Variants in LRRTM4 observed in about 807,000 individuals in gnomAD.
LRRTM4 encodes leucine rich repeat transmembrane neuronal 4, also known as leucine-rich repeat transmembrane neuronal protein 4.
LRRTM4 carries 25 observed loss-of-function variants against 47.6 expected under a neutral mutation model. The observed-to-expected ratio is 0.53, with a 90% CI of 0.38 to 0.73. The LOEUF is 0.73. Among genes scored for constraint, LRRTM4 ranks in the 30% least tolerant of loss-of-function variants. LRRTM4 has a pLI of 0.00. For missense variants in LRRTM4, 638 were observed against 713.4 expected (o/e 0.89, Z 1.20); for synonymous variants, 311 against 269.5 (o/e 1.15, Z -1.51).
chr2:76,888,668 T>A (rs189366661), intron 3 of LRRTM4, among the ~76,000 whole-genome samples: 2 of 151,648 alleles, frequency 1.3e-5, no homozygotes, highest in Non-Finnish European at 3.0e-5. Context: ...TATTCATTAG[T>A]TTTTTTTCTA....
chr2:76,818,909 G>C (rs1390385488), intron 3 of LRRTM4, among the ~76,000 whole-genome samples: 1 of 151,626 alleles, frequency 6.6e-6, no homozygotes, highest in Non-Finnish European at 1.5e-5. Context: ...AGTTTGATTA[G>C]TTTTACTAGT....
chr2:77,398,249 C>A, intron 3 of LRRTM4, among the ~76,000 whole-genome samples: 1 of 151,960 alleles, frequency 6.6e-6, no homozygotes, highest in Non-Finnish European at 1.5e-5. Flanking sequence ...ATTTACAATA[C>A]GTCTTCATAA....
chr2:77,087,869 C>T (rs1487840411), intron 3 of LRRTM4, among the ~76,000 whole-genome samples: 5 of 152,014 alleles, frequency 3.3e-5, no homozygotes, highest in South Asian at 2.1e-4. Context: ...AACTGATAGA[C>T]GTGTGTAGAA....
intron 3 of LRRTM4, among the ~76,000 whole-genome samples, chr2:77,296,513 T>A (rs1676978196): frequency 6.6e-6 from 1 of 152,208 alleles, no homozygotes; most frequent in African/African-American, 2.4e-5. Context: ...CACAATTTTT[T>A]AAATTTATGA....
chr2:77,371,053 T>C (rs990150876), intron 3 of LRRTM4, among the ~76,000 whole-genome samples: 2 of 151,734 alleles, frequency 1.3e-5, no homozygotes, highest in African/African-American at 4.8e-5. Context: ...ACTCAACTCT[T>C]GCAAATCAAA....
At chr2:76,995,215 T>C (rs1677157423) in intron 3 of LRRTM4, among the ~76,000 whole-genome samples, 1 of 152,074 alleles carries the variant, frequency 6.6e-6, no homozygotes, top group Admixed American at 6.6e-5. Context: ...ATTTTCATAT[T>C]TCCTATGAAT....
At chr2:77,107,656 T>A (rs1671128098) in intron 3 of LRRTM4, among the ~76,000 whole-genome samples, 1 of 151,762 alleles carries the variant, frequency 6.6e-6, no homozygotes, top group Non-Finnish European at 1.5e-5. Flanking sequence ...CCATCTCTAC[T>A]AAAAATACAA....
intron 3 of LRRTM4, among the ~76,000 whole-genome samples, chr2:77,153,774 T>C (rs1672488711): frequency 2.6e-5 from 4 of 152,256 alleles, no homozygotes; most frequent in Middle Eastern, 6.8e-3. Context: ...TATATATACA[T>C]CTGAAAATCT....
intron 3 of LRRTM4, among the ~76,000 whole-genome samples, chr2:76,899,240 T>C (rs1673532685): frequency 1.3e-5 from 2 of 149,142 alleles, no homozygotes; most frequent in South Asian, 2.1e-4. Context: ...GACACAGAAG[T>C]GAACAAAACT....
At chr2:77,516,660 A>C in intron 3 of LRRTM4, 1 of 979,996 alleles carries the variant, frequency 1.0e-6, no homozygotes, top group East Asian at 1.1e-4. Context: ...AAGCCTTGTT[A>C]GACTTTTATA....
At chr2:77,206,179 ATTTTTTT>A (rs35378906) in intron 3 of LRRTM4, among the ~76,000 whole-genome samples, 1 of 126,930 alleles carries the variant, frequency 7.9e-6, no homozygotes, top group Non-Finnish European at 1.7e-5. Flanking sequence ...TCAAAATTCT[ATTTTTTT>A]TTTTTTTTTT....
intron 3 of LRRTM4, among the ~76,000 whole-genome samples, chr2:77,115,318 TGC>T: frequency 6.6e-6 from 1 of 152,180 alleles, no homozygotes; most frequent in Non-Finnish European, 1.5e-5. Flanking sequence ...TTTTTCAGGG[TGC>T]ACTGGTTTCA....
At chr2:77,166,752 T>C (rs971494067) in intron 3 of LRRTM4, among the ~76,000 whole-genome samples, 1 of 152,288 alleles carries the variant, frequency 6.6e-6, no homozygotes, top group East Asian at 1.9e-4. Context: ...TGGCTAGCCA[T>C]ATGTAGAAAG....
chr2:77,204,405 C>T (rs534782112), intron 3 of LRRTM4, among the ~76,000 whole-genome samples: 1 of 151,884 alleles, frequency 6.6e-6, no homozygotes, highest in South Asian at 2.1e-4. Flanking sequence ...ATGGCAGCAA[C>T]TAGATGGACT....
intron 3 of LRRTM4, among the ~76,000 whole-genome samples, chr2:76,805,893 C>T (rs1302811619): frequency 2.0e-5 from 3 of 152,054 alleles, no homozygotes; most frequent in Non-Finnish European, 4.4e-5. Context: ...GCTGTTTTCC[C>T]TTAGGCACAA....
At chr2:76,790,956 C>G (rs535490261) in intron 3 of LRRTM4, among the ~76,000 whole-genome samples, 1 of 152,174 alleles carries the variant, frequency 6.6e-6, no homozygotes, top group South Asian at 2.1e-4. Flanking sequence ...CCATATTTCA[C>G]TTTAAACATG....
Position 77,168,903 on chromosome 2 carries a change from G to T in LRRTM4, c.1551+349415C>A, listed in dbSNP as rs142679660. ...CCATAATCAAGTGAAATTTATCCCAGGGATGCAAGGATGGTTTAACATATG... is the reference window on the plus strand; with the variant it reads ...CCATAATCAAGTGAAATTTATCCCATGGATGCAAGGATGGTTTAACATATG... On this transcript the variant is annotated intron_variant, in intron 3 of 3. Coordinates refer to ENST00000409884, the MANE Select transcript of LRRTM4 (RefSeq NM_001134745.3). Among the ~76,000 whole-genome samples, 853 of 152,146 alleles carry T rather than the reference G, an allele frequency of 5.6e-3. 3 individuals are homozygous for T. The highest frequency in any genetic ancestry group is 0.019 in the African/African-American group (775 of 41,530).
intron 3 of LRRTM4, among the ~76,000 whole-genome samples, chr2:77,161,622 CA>C (rs968649883): frequency 2.7e-5 from 4 of 150,744 alleles, no homozygotes; most frequent in South Asian, 2.1e-4. Context: ...TGCCAATCTC[CA>C]AAAAAAAATT....
At chr2:77,212,995 T>C (rs773633617) in intron 3 of LRRTM4, among the ~76,000 whole-genome samples, 3 of 152,084 alleles carry the variant, frequency 2.0e-5, no homozygotes, top group Non-Finnish European at 4.4e-5. Flanking sequence ...CTATATACTC[T>C]TTGAAGATTT....
Sources: gnomAD v4.1 joint callset for allele counts (sites outside exome capture counted in the v4.1 genomes callset) on GRCh38, gnomAD v4.1.1 for gene constraint, MANE v1.5 for transcripts, NCBI Gene and HGNC (gene_info 2026-07-23, HGNC 2026-07-21) for gene names.